LRMDA: variants seen among roughly 807,000 people sequenced by gnomAD.
LRMDA encodes the protein leucine rich melanocyte differentiation associated, also known as leucine-rich melanocyte differentiation-associated protein.
In LRMDA, 18 loss-of-function variants were observed where a neutral mutation model predicts 29.8. The ratio of observed to expected loss-of-function variants is 0.60; its 90% CI spans 0.42 to 0.90. The LOEUF (loss-of-function observed/expected upper bound fraction) is 0.90, where lower values mean the gene tolerates loss of function less well. Ranked by LOEUF, LRMDA falls within the 40% of genes least tolerant of loss-of-function variation. The pLI, the probability that LRMDA is intolerant of heterozygous loss-of-function variation, is 0.00. For missense variants in LRMDA, 273 were observed against 273.9 expected, an observed-to-expected ratio of 1.00 and a Z score of 0.02; for synonymous variants, 125 against 109.4, an observed-to-expected ratio of 1.14 and a Z score of -0.89.
At chr10:76,381,273 G>T (rs1469789819) in intron 6 of LRMDA, among the ~76,000 whole-genome samples, 2 of 151,520 alleles carry the variant, frequency 1.3e-5, no homozygotes, top group Non-Finnish European at 2.9e-5. Context: ...ACGTCATTTA[G>T]GACTCTTTTT....
Position 75,784,456 on chromosome 10 carries a change from T to C in LRMDA, c.132-251552T>C, listed in dbSNP as rs180703832. The stretch of plus-strand genomic sequence containing the variant: ...GGCTCACGCCTGTAATTGCAGCACT[T>C]TGGGAGGCTGAGGCGGGAGGATCAC... On this transcript the variant is annotated intron_variant, in intron 2 of 6. Coordinates refer to ENST00000611255, the MANE Select transcript of LRMDA (RefSeq NM_001305581.2). Among the ~76,000 whole-genome samples the C allele has an allele frequency of 3.9e-5, 6 of 152,166 alleles. No homozygotes were observed. The East Asian group carries it at 9.7e-4, about 25-fold the overall frequency.
chr10:75,855,230 T>C lies in LRMDA; in HGVS notation c.132-180778T>C, dbSNP rs562036469. ...TTCTCCACATCCTCTCCAGCACCTG[T>C]TGTTTCCTGACTTTTTAATGATCGA... On this transcript the variant is annotated intron_variant, in intron 2 of 6. Coordinates refer to ENST00000611255, the MANE Select transcript of LRMDA (RefSeq NM_001305581.2). Among the ~76,000 whole-genome samples the C allele has an allele frequency of 5.3e-5, 8 of 152,212 alleles. No individual in the cohort carries two copies. In the East Asian group the frequency reaches 1.4e-3, roughly 26 times the overall value.
chr10:76,389,355 G>T (rs1020019036), intron 6 of LRMDA, among the ~76,000 whole-genome samples: 16 of 152,104 alleles, frequency 1.1e-4, no homozygotes, highest in Admixed American at 9.8e-4. Context: ...TCCAATGATT[G>T]CTTGATCACC....
At chr10:76,139,994 T>C (rs1423136142) in intron 5 of LRMDA, among the ~76,000 whole-genome samples, 2 of 152,112 alleles carry the variant, frequency 1.3e-5, no homozygotes, top group African/African-American at 4.8e-5. Context: ...AAATCAATTT[T>C]CTGACCCTGT....
At chr10:75,702,926 C>A (rs944649312) in intron 2 of LRMDA, among the ~76,000 whole-genome samples, 1 of 152,182 alleles carries the variant, frequency 6.6e-6, no homozygotes, top group Non-Finnish European at 1.5e-5. Flanking sequence ...CTACAGATAT[C>A]AGCCCCAACA....
intron 2 of LRMDA, among the ~76,000 whole-genome samples, chr10:75,569,735 A>T (rs1040176288): frequency 3.9e-5 from 6 of 152,180 alleles, no homozygotes; most frequent in Non-Finnish European, 8.8e-5. Flanking sequence ...TCTCCTTCTG[A>T]TTGTGCTCAG....
At chr10:76,538,498 A>ATG (rs1554826610) in intron 6 of LRMDA, among the ~76,000 whole-genome samples, 8 of 147,532 alleles carry the variant, frequency 5.4e-5, no homozygotes, top group East Asian at 1.9e-4. Context: ...ATAGTTATAT[A>ATG]TGTATATATA....
At chr10:75,859,342 A>G (rs1844879686) in intron 2 of LRMDA, among the ~76,000 whole-genome samples, 1 of 152,050 alleles carries the variant, frequency 6.6e-6, no homozygotes, top group Non-Finnish European at 1.5e-5. Context: ...TGATTTATGG[A>G]AAGTATTATT....
intron 2 of LRMDA, among the ~76,000 whole-genome samples, chr10:75,581,790 G>T (rs998106490): frequency 1.3e-5 from 2 of 152,038 alleles, no homozygotes; most frequent in East Asian, 1.9e-4. Context: ...TTTAGGGGGT[G>T]GGGGGCTAGG....
intron 2 of LRMDA, among the ~76,000 whole-genome samples, chr10:75,880,013 C>T (rs944240217): frequency 3.9e-5 from 6 of 152,100 alleles, no homozygotes; most frequent in South Asian, 2.1e-4. Context: ...GCAATATTCT[C>T]GTAGATTTAT....
chr10:75,853,434 GT>G (rs1352135879), intron 2 of LRMDA, among the ~76,000 whole-genome samples: 8 of 19,606 alleles, frequency 4.1e-4, no homozygotes, highest in South Asian at 3.8e-3. Context: ...AAGAAGAGGG[GT>G]GTGTGTGTGT....
At chr10:76,298,029 A>G (rs1394387464) in intron 5 of LRMDA, among the ~76,000 whole-genome samples, 1 of 152,168 alleles carries the variant, frequency 6.6e-6, no homozygotes, top group East Asian at 1.9e-4. Flanking sequence ...TGTTGTACGT[A>G]ACCTCTCCTT....
chr10:75,743,512 A>AT (rs1431383874), intron 2 of LRMDA: 2 of 152,094 alleles, frequency 1.3e-5, no homozygotes, highest in Non-Finnish European at 2.9e-5. Context: ...GAGGAGATCA[A>AT]TTTTTCATCC....
At chr10:76,388,930 C>A (rs546826355) in intron 6 of LRMDA, among the ~76,000 whole-genome samples, 1 of 152,280 alleles carries the variant, frequency 6.6e-6, no homozygotes, top group African/African-American at 2.4e-5. Context: ...CAAACTCAGG[C>A]AGTCTGGCTC....
chr10:75,949,569 T>A (rs141549738), intron 2 of LRMDA, among the ~76,000 whole-genome samples: 83 of 152,160 alleles, frequency 5.5e-4, no homozygotes, highest in African/African-American at 1.9e-3. Flanking sequence ...AGGAAGAAAT[T>A]TAGAGAAGGA....
At chr10:76,123,981 C>T (rs1849834255) in intron 5 of LRMDA, among the ~76,000 whole-genome samples, 1 of 152,084 alleles carries the variant, frequency 6.6e-6, no homozygotes, top group Admixed American at 6.6e-5. Context: ...TTGTTCCTTC[C>T]CCTCCCTGAT....
At chr10:76,072,828 A>G (rs139407891) in intron 5 of LRMDA, among the ~76,000 whole-genome samples, 1 of 152,346 alleles carries the variant, frequency 6.6e-6, no homozygotes, top group East Asian at 1.9e-4. Flanking sequence ...GCTCTTTATC[A>G]CAGCCTAAGG....
intron 5 of LRMDA, among the ~76,000 whole-genome samples, chr10:76,201,408 T>C (rs1163053788): frequency 1.3e-5 from 2 of 152,206 alleles, no homozygotes; most frequent in African/African-American, 2.4e-5. Context: ...TATATTATTA[T>C]TGAAGAAAGA....
intron 6 of LRMDA, among the ~76,000 whole-genome samples, chr10:76,509,803 G>A (rs1248956460): frequency 6.6e-6 from 1 of 152,136 alleles, no homozygotes; most frequent in African/African-American, 2.4e-5. Context: ...GTAAGCGCAG[G>A]GCAGGCAAGC....
Sources: gnomAD v4.1 joint callset for allele counts (sites outside exome capture counted in the v4.1 genomes callset) on GRCh38, gnomAD v4.1.1 for gene constraint, MANE v1.5 for transcripts, NCBI Gene and HGNC (gene_info 2026-07-23, HGNC 2026-07-21) for gene names.